Variants in TEX11 observed in about 807,000 individuals in gnomAD.
TEX11 encodes the protein testis-expressed protein 11.
In TEX11, 7 loss-of-function variants were observed where a neutral mutation model predicts 84.4. The ratio of observed to expected loss-of-function variants is 0.08; its 90% confidence interval spans 0.05 to 0.16. The LOEUF is 0.16. Ranked by LOEUF, TEX11 falls within the 10% of genes least tolerant of loss-of-function variation. The probability of loss-of-function intolerance (pLI) is 1.00; values close to 1 mark genes in which losing one functional copy is unlikely to be tolerated. For missense variants in TEX11, 551 were observed against 660.5 expected (o/e 0.83, Z 1.82); for synonymous variants, 264 against 222.8 (o/e 1.18, Z -1.64).
At chrX:70,699,151 G>A (rs889315540) in intron 13 of TEX11, among the ~76,000 whole-genome samples, 5 of 111,720 alleles carry the variant, frequency 4.5e-5, no homozygotes, top group Non-Finnish European at 9.4e-5. Flanking sequence ...GAAAGAGACA[G>A]AGATGTCTGG....
chrX:70,801,669 CTT>C (rs1193088186), intron 9 of TEX11, among the ~76,000 whole-genome samples: 2 of 43,814 alleles, frequency 4.6e-5, no homozygotes, highest in Non-Finnish European at 9.7e-5. Flanking sequence ...TTCTTTCTTT[CTT>C]TCTTTCTTTC....
chrX:70,849,823 A>G (rs760126736), intron 7 of TEX11, among the ~76,000 whole-genome samples: 47 of 112,217 alleles, frequency 4.2e-4, no homozygotes, highest in Admixed American at 1.1e-3. Flanking sequence ...TTAACCAGCT[A>G]TATAAAGATG....
At chrX:70,736,337 C>T (rs764353978) in intron 11 of TEX11, among the ~76,000 whole-genome samples, 1 of 110,803 alleles carries the variant, frequency 9.0e-6, no homozygotes. Context: ...AAGCCTATAC[C>T]TTCTACTAAT....
intron 15 of TEX11, among the ~76,000 whole-genome samples, chrX:70,676,759 T>C (rs1470689530): frequency 8.9e-6 from 1 of 112,206 alleles, no homozygotes; most frequent in East Asian, 2.8e-4. Flanking sequence ...TGAACTCTTT[T>C]AATTTTTTTA....
At chrX:70,763,148 A>C (rs1038602954) in intron 9 of TEX11, among the ~76,000 whole-genome samples, 1 of 112,625 alleles carries the variant, frequency 8.9e-6, no homozygotes, top group South Asian at 3.6e-4. Flanking sequence ...AAACACATAC[A>C]CATTTTTATA....
intron 9 of TEX11, among the ~76,000 whole-genome samples, chrX:70,791,545 A>G (rs2091118205): frequency 8.9e-6 from 1 of 112,005 alleles, no homozygotes; most frequent in Non-Finnish European, 1.9e-5. Flanking sequence ...CTCAGCAACC[A>G]TGGAACACAC....
downstream of TEX11, among the ~76,000 whole-genome samples, chrX:70,524,344 G>A (rs2087803383): frequency 1.8e-5 from 2 of 112,096 alleles, no homozygotes; most frequent in South Asian, 7.5e-4. Flanking sequence ...CCAGAAGTAA[G>A]ACTGCAAAGC....
intron 1 of TEX11, among the ~76,000 whole-genome samples, chrX:70,908,253 A>T (rs779071226): frequency 9.1e-6 from 1 of 110,489 alleles, no homozygotes; most frequent in Non-Finnish European, 1.9e-5. Context: ...GCATCTAAAC[A>T]ACAATAACTA....
intron 25 of TEX11, among the ~76,000 whole-genome samples, chrX:70,577,494 A>G (rs1298000925): frequency 1.8e-5 from 2 of 111,598 alleles, no homozygotes; most frequent in Non-Finnish European, 3.8e-5. Flanking sequence ...AGGTAAAAAA[A>G]TAAAGCCACC....
chrX:70,846,876 A>G (rs1208511962), intron 7 of TEX11, among the ~76,000 whole-genome samples: 1 of 111,441 alleles, frequency 9.0e-6, no homozygotes, highest in Non-Finnish European at 1.9e-5. Context: ...GTGAGCTGAG[A>G]TCACGCCACT....
At chrX:70,753,360 C>T (rs896862617) in intron 9 of TEX11, among the ~76,000 whole-genome samples, 1 of 111,248 alleles carries the variant, frequency 9.0e-6, no homozygotes, top group African/African-American at 3.3e-5. Context: ...GAGAGAAAAT[C>T]GAAGAGTGGG....
At chrX:70,557,095 A>G (rs769414800) in intron 25 of TEX11, among the ~76,000 whole-genome samples, 1 of 110,057 alleles carries the variant, frequency 9.1e-6, no homozygotes, top group Admixed American at 9.8e-5. Flanking sequence ...CTATTTTTAT[A>G]TAGCAGCAAT....
chrX:70,840,354 C>G (rs2091434963), intron 7 of TEX11, among the ~76,000 whole-genome samples: 1 of 111,443 alleles, frequency 9.0e-6, no homozygotes, highest in South Asian at 3.9e-4. Flanking sequence ...AATTTTCAAC[C>G]CACAATCTCA....
intron 9 of TEX11, among the ~76,000 whole-genome samples, chrX:70,804,218 T>C (rs945367039): frequency 1.8e-5 from 2 of 111,905 alleles, no homozygotes; most frequent in African/African-American, 6.5e-5. Context: ...TTTCCAGGCA[T>C]GTTACTGAAT....
At chrX:70,713,529 A>T (rs1193648647) in intron 13 of TEX11, among the ~76,000 whole-genome samples, 3 of 111,469 alleles carry the variant, frequency 2.7e-5, no homozygotes, top group Admixed American at 1.9e-4. Flanking sequence ...GGAGAGTGTA[A>T]GTGTCAAGGA....
intron 25 of TEX11, among the ~76,000 whole-genome samples, chrX:70,564,580 G>C (rs3992932): frequency 0.12 from 10,262 of 83,750 alleles, 592 homozygotes; most frequent in Middle Eastern, 0.25. Flanking sequence ...ACAGTCCCCA[G>C]AGTGTGATGT....
At chrX:70,692,922 T>C (rs2090248668) in intron 13 of TEX11, among the ~76,000 whole-genome samples, 1 of 111,768 alleles carries the variant, frequency 8.9e-6, no homozygotes, top group African/African-American at 3.3e-5. Flanking sequence ...GGTTCTACCA[T>C]TTTACATTCC....
chrX:70,669,375 T>C (rs936419170), intron 16 of TEX11, among the ~76,000 whole-genome samples: 27 of 112,125 alleles, frequency 2.4e-4, no homozygotes, highest in Non-Finnish European at 4.5e-4. Flanking sequence ...AGTAGGCAAC[T>C]ACCTTTCTGA....
intron 13 of TEX11, among the ~76,000 whole-genome samples, chrX:70,694,000 T>C (rs1385477911): frequency 9.0e-6 from 1 of 111,706 alleles, no homozygotes; most frequent in African/African-American, 3.3e-5. Flanking sequence ...GAACCTAAAA[T>C]AAAAGTTAAA....
Sources: gnomAD v4.1 joint callset for allele counts (sites outside exome capture counted in the v4.1 genomes callset) on GRCh38, gnomAD v4.1.1 for gene constraint, MANE v1.5 for transcripts, NCBI Gene and HGNC (gene_info 2026-07-23, HGNC 2026-07-21) for gene names.